The following NUP62CL variants were observed in gnomAD, a reference collection of about 807,000 sequenced individuals.
NUP62CL encodes the protein nucleoporin 62 C-terminal like.
NUP62CL carries 13 observed loss-of-function variants against 15.3 expected under a neutral mutation model. The ratio of observed to expected loss-of-function variants is 0.85; its 90% CI spans 0.55 to 1.35. The LOEUF is 1.35. Ranked by LOEUF, NUP62CL falls within the 40% of genes most tolerant of loss-of-function variation. The pLI is 0.00. For missense variants in NUP62CL, 123 were observed against 130.6 expected (o/e 0.94, Z 0.28); for synonymous variants, 54 against 49.2 (o/e 1.10, Z -0.41).
At chrX:107,133,283 A>G (rs746032516) in intron 8 of NUP62CL, among the ~76,000 whole-genome samples, 10 of 110,155 alleles carry the variant, frequency 9.1e-5, no homozygotes, top group Non-Finnish European at 1.3e-4. Context: ...TTAAATGTCT[A>G]TTTGATTACT....
intron 2 of NUP62CL, among the ~76,000 whole-genome samples, chrX:107,187,731 A>C (rs1280654334): frequency 8.9e-6 from 1 of 112,904 alleles, no homozygotes; most frequent in African/African-American, 3.2e-5. Flanking sequence ...TATAAAATTA[A>C]CAATTCTAGT....
chrX:107,189,872 G>GA (rs1927175615), intron 2 of NUP62CL, among the ~76,000 whole-genome samples: 1 of 56,049 alleles, frequency 1.8e-5, no homozygotes, highest in African/African-American at 6.9e-5. Context: ...GAAGGAAAAA[G>GA]AAAGAAAAGA....
At chrX:107,162,653 A>G (rs1179315599) in intron 4 of NUP62CL, among the ~76,000 whole-genome samples, 1 of 112,258 alleles carries the variant, frequency 8.9e-6, no homozygotes, top group Non-Finnish European at 1.9e-5. Context: ...AGATATTCTC[A>G]CACAAAGTCA....
intron 4 of NUP62CL, among the ~76,000 whole-genome samples, chrX:107,160,855 T>A (rs1323369970): frequency 9.1e-6 from 1 of 109,406 alleles, no homozygotes; most frequent in African/African-American, 3.3e-5. Flanking sequence ...ACCTACAACA[T>A]GGGAGAAAAT....
chrX:107,150,686 A>ACAGG (rs1399201352), intron 7 of NUP62CL, among the ~76,000 whole-genome samples: 2 of 112,039 alleles, frequency 1.8e-5, no homozygotes, highest in Non-Finnish European at 3.8e-5. Flanking sequence ...TTTGATAGAG[A>ACAGG]CAGGGTCTCA....
chrX:107,152,075 TTC>T (rs1337997618), intron 7 of NUP62CL, among the ~76,000 whole-genome samples: 681 of 54,135 alleles, frequency 0.013, 44 homozygotes, highest in East Asian at 0.024. Flanking sequence ...TATATATATA[TTC>T]AGATATATAT....
intron 5 of NUP62CL, 132 bp downstream of exon 5, chrX:107,153,964 C>T (rs1375569700): frequency 1.2e-5 from 7 of 575,571 alleles, no homozygotes; most frequent in Non-Finnish European, 1.9e-5. Context: ...TAGAGCAAGA[C>T]CCTGTCTCAA....
chrX:107,197,379 A>C (rs760976036), intron 1 of NUP62CL, among the ~76,000 whole-genome samples: 3 of 111,016 alleles, frequency 2.7e-5, no homozygotes, highest in African/African-American at 9.8e-5. Context: ...TCATTACTTT[A>C]TTAAAAAATG....
At position 107,170,088 on chromosome X, in the gene NUP62CL, T is replaced by C. The variant is rs183867375; in HGVS notation, c.59-2304A>G. Among the ~76,000 whole-genome samples the C allele has an allele frequency of 2.6e-3, 270 of 105,693 alleles. 2 individuals carry two copies. Among genetic ancestry groups the C allele is most frequent in the African/African-American group, 8.5e-3 (244 of 28,697 alleles). 91.8% of individuals were successfully genotyped at this position (105,693 alleles called of 115,157 possible). On this transcript the variant is annotated intron_variant, in intron 3 of 8. Transcript: ENST00000372466. The stretch of plus-strand genomic sequence containing the variant: ...AGCCAGATGTGGTGCACACCTGTAA[T>C]CCCAGCTACCCAGGAGGCTAAGTGA...
At chrX:107,165,963 C>A (rs1016610100) in intron 4 of NUP62CL, among the ~76,000 whole-genome samples, 2 of 81,970 alleles carry the variant, frequency 2.4e-5, no homozygotes, top group Non-Finnish European at 4.1e-5. Flanking sequence ...TAGAAAAACA[C>A]AGAAGAAAAA....
intron 4 of NUP62CL, among the ~76,000 whole-genome samples, chrX:107,161,735 C>G (rs1280717129): frequency 1.1e-5 from 1 of 94,685 alleles, no homozygotes; most frequent in Non-Finnish European, 2.1e-5. Context: ...TGTAACTAAC[C>G]TGCACAATGT....
intron 3 of NUP62CL, among the ~76,000 whole-genome samples, chrX:107,172,660 A>C (rs1199217816): frequency 9.0e-6 from 1 of 111,534 alleles, no homozygotes; most frequent in East Asian, 2.8e-4. Flanking sequence ...GAAGAGGGCC[A>C]ACTTCAATAG....
intron 1 of NUP62CL, among the ~76,000 whole-genome samples, chrX:107,193,470 C>T (rs1284101070): frequency 8.9e-6 from 1 of 111,942 alleles, no homozygotes; most frequent in Non-Finnish European, 1.9e-5. Flanking sequence ...GAAACATCTA[C>T]AGGAGGATGG....
intron 8 of NUP62CL, among the ~76,000 whole-genome samples, chrX:107,142,121 T>TA (rs1396319550): frequency 9.0e-6 from 1 of 110,563 alleles, no homozygotes; most frequent in African/African-American, 3.3e-5. Context: ...AAAAAAATCC[T>TA]ACTCCAAAAA....
At chrX:107,170,569 C>T (rs1440366325) in intron 3 of NUP62CL, among the ~76,000 whole-genome samples, 3 of 110,294 alleles carry the variant, frequency 2.7e-5, no homozygotes, top group Admixed American at 9.7e-5. Context: ...TGTGCCACCA[C>T]GCCTGGCTAA....
chrX:107,130,613 G>C (rs911923450), intron 8 of NUP62CL, among the ~76,000 whole-genome samples: 1 of 111,630 alleles, frequency 9.0e-6, no homozygotes, highest in Non-Finnish European at 1.9e-5. Context: ...ATAGAAGACA[G>C]ACCATAGCCG....
intron 1 of NUP62CL, among the ~76,000 whole-genome samples, chrX:107,198,812 G>A (rs1230552376): frequency 3.6e-5 from 4 of 112,150 alleles, no homozygotes; most frequent in Admixed American, 9.4e-5. Flanking sequence ...AATACTCACC[G>A]CGAGGGTCCG....
intron 1 of NUP62CL, among the ~76,000 whole-genome samples, chrX:107,201,180 G>GT (rs201245958): frequency 0.055 from 6,098 of 111,259 alleles, 424 homozygotes; most frequent in African/African-American, 0.19. Flanking sequence ...CTAATTTTTA[G>GT]TTTTTTAATT....
At chrX:107,133,571 T>C (rs1045902008) in intron 8 of NUP62CL, among the ~76,000 whole-genome samples, 2 of 111,965 alleles carry the variant, frequency 1.8e-5, no homozygotes, top group Non-Finnish European at 3.8e-5. Flanking sequence ...TCCTGGGCTC[T>C]GGTGATCCTC....
Sources: allele counts gnomAD v4.1 joint callset (sites outside exome capture counted in the v4.1 genomes callset), GRCh38; gene constraint gnomAD v4.1.1; transcripts MANE v1.5; gene names NCBI Gene and HGNC (gene_info 2026-07-23, HGNC 2026-07-21).